Variants in ZNF365 observed in about 807,000 individuals in gnomAD.
The protein encoded by ZNF365 is protein ZNF365.
Under a neutral mutation model 35.0 loss-of-function variants are expected in ZNF365, and 22 were observed. That is an observed-to-expected ratio of 0.63 (90% CI 0.45 to 0.90). The LOEUF (loss-of-function observed/expected upper bound fraction) is 0.90. Ranked by LOEUF, ZNF365 falls within the 40% of genes least tolerant of loss-of-function variation. The pLI, the probability that ZNF365 is intolerant of heterozygous loss-of-function variation, is 0.00. For synonymous variants in ZNF365, 188 were observed against 196.2 expected (o/e 0.96, Z 0.35); for missense variants, 448 against 500.3 (o/e 0.90, Z 1.00).
chr10:62,442,433 T>G (rs1840515830), intron 3 of ZNF365, among the ~76,000 whole-genome samples: 1 of 152,192 alleles, frequency 6.6e-6, no homozygotes, highest in Admixed American at 6.6e-5. Flanking sequence ...ATTAACTGTA[T>G]GCAAAATCGC....
At position 62,376,836 on chromosome 10, in the gene ZNF365, G is replaced by C; in HGVS notation, c.643G>C (p.Glu215Gln). ...TQKKQEVQRR[E>Q]RALNRQVDVA... ...GAAAAAGCAGGAAGTTCAGAGACGA[G>C]AGCGGGCCTTAAACAGACAGGTGGA... The change falls in exon 2 of 5, where the codon GAG becomes CAG. Residue 215 changes from glutamate (E) to glutamine (Q), a missense_variant. Around this residue, in one of 3 missense-constraint regions of ZNF365, gnomAD observed 362 missense variants for 375.7 expected, o/e 0.96. Transcript: ENST00000395254. The C allele has an allele frequency of 6.2e-7, 1 of 1,614,198 alleles. No homozygotes were observed.
chr10:62,396,582 GAC>G (rs1193871746), intron 3 of ZNF365, among the ~76,000 whole-genome samples: 2 of 152,146 alleles, frequency 1.3e-5, no homozygotes, highest in Non-Finnish European at 2.9e-5. Context: ...CTCTTGGTAA[GAC>G]ACAGTAAAGT....
chr10:62,475,974 T>G (rs1841123864), intron 4 of ZNF365, among the ~76,000 whole-genome samples: 3 of 152,164 alleles, frequency 2.0e-5, no homozygotes, highest in Admixed American at 2.0e-4. Flanking sequence ...TTATTGAATC[T>G]CCTGCATATG....
At chr10:62,474,925 T>G (rs961891909) in intron 4 of ZNF365, among the ~76,000 whole-genome samples, 1 of 152,212 alleles carries the variant, frequency 6.6e-6, no homozygotes, top group African/African-American at 2.4e-5. Flanking sequence ...GACCAACTTT[T>G]CCTTTAACTG....
intron 2 of ZNF365, among the ~76,000 whole-genome samples, chr10:62,383,292 G>T (rs1839471412): frequency 6.6e-6 from 1 of 152,188 alleles, no homozygotes; most frequent in Admixed American, 6.5e-5. Flanking sequence ...TGGCACACTG[G>T]TTCATTGTGA....
intron 1 of ZNF365, 118 bp downstream of exon 1, chr10:62,374,576 G>A (rs3816882): frequency 0.54 from 82,859 of 152,058 alleles, 24,861 homozygotes; most frequent in East Asian, 0.78. Flanking sequence ...TGGGAGAGCC[G>A]GCTTCCCGGC....
At position 62,462,170 on chromosome 10, in the gene ZNF365, T is replaced by C. The variant is rs147034829; in HGVS notation, c.981+2373T>C. Among the ~76,000 whole-genome samples, 137 of 152,322 alleles carry C rather than the reference T, an allele frequency of 9.0e-4. 1 individual carries two copies. Among genetic ancestry groups the C allele is most frequent in the African/African-American group, 3.2e-3 (131 of 41,566 alleles). Reference sequence around the variant, plus strand: ...GATTCTCACCTGATAACCAATTAGATGTTTCAGCCACTACCTCCCCTCCCA... The same window carrying C: ...GATTCTCACCTGATAACCAATTAGACGTTTCAGCCACTACCTCCCCTCCCA... On this transcript the variant is annotated intron_variant, in intron 4 of 4. Transcript: ENST00000395255.
intron 4 of ZNF365, among the ~76,000 whole-genome samples, chr10:62,477,065 T>C (rs774250254): frequency 6.6e-6 from 1 of 152,208 alleles, no homozygotes; most frequent in Non-Finnish European, 1.5e-5. Context: ...ATACCACGCC[T>C]GGCATGGGGG....
intron 2 of ZNF365, 144 bp from the exon 3 acceptor site, chr10:62,388,252 A>T: frequency 1.3e-6 from 1 of 749,550 alleles, no homozygotes; most frequent in Non-Finnish European, 2.2e-6. Flanking sequence ...AATCACAAAG[A>T]GGTGATTACC....
intron 3 of ZNF365, among the ~76,000 whole-genome samples, chr10:62,408,439 A>G (rs1039044096): frequency 6.6e-6 from 1 of 152,204 alleles, no homozygotes; most frequent in Non-Finnish European, 1.5e-5. Flanking sequence ...AAAGAAAGAC[A>G]TCAGGCTCTG....
At chr10:62,470,628 T>C (rs559632445) in intron 4 of ZNF365, among the ~76,000 whole-genome samples, 24 of 152,340 alleles carry the variant, frequency 1.6e-4, no homozygotes, top group Admixed American at 3.3e-4. Context: ...TTGTTAGCAG[T>C]TTATACACAC....
At chr10:62,468,281 A>G (rs1193818570) in intron 4 of ZNF365, among the ~76,000 whole-genome samples, 1 of 152,200 alleles carries the variant, frequency 6.6e-6, no homozygotes, top group African/African-American at 2.4e-5. Context: ...ATAAATATAC[A>G]TGTGTGAGAA....
intron 2 of ZNF365, among the ~76,000 whole-genome samples, chr10:62,378,970 T>C (rs1488458970): frequency 6.6e-6 from 1 of 152,162 alleles, no homozygotes; most frequent in African/African-American, 2.4e-5. Context: ...TTATTATCCT[T>C]GTACATGTTT....
chr10:62,408,244 A>G (rs1839933256), intron 3 of ZNF365, among the ~76,000 whole-genome samples: 1 of 152,152 alleles, frequency 6.6e-6, no homozygotes, highest in South Asian at 2.1e-4. Context: ...CTTTCTAATC[A>G]AGAACTTGAA....
At chr10:62,452,926 C>T (rs550909856) in intron 3 of ZNF365, among the ~76,000 whole-genome samples, 5 of 152,196 alleles carry the variant, frequency 3.3e-5, no homozygotes, top group Non-Finnish European at 4.4e-5. Flanking sequence ...TAAATATATT[C>T]TTTGCTGTGG....
intron 3 of ZNF365, among the ~76,000 whole-genome samples, chr10:62,410,517 T>C (rs1839969593): frequency 6.6e-6 from 1 of 152,024 alleles, no homozygotes; most frequent in Non-Finnish European, 1.5e-5. Context: ...TTCCTGATGC[T>C]CTCCCTCCCT....
At chr10:62,407,941 C>A (rs538831707) in intron 3 of ZNF365, among the ~76,000 whole-genome samples, 1 of 151,856 alleles carries the variant, frequency 6.6e-6, no homozygotes, top group South Asian at 2.1e-4. Context: ...TGGAAGAATC[C>A]TTTAGATAAT....
intron 2 of ZNF365, 38 bp from the exon 3 acceptor site, chr10:62,388,358 A>G (rs751679041): frequency 3.1e-6 from 5 of 1,612,856 alleles, no homozygotes; most frequent in East Asian, 2.2e-5. Context: ...TCCTTGCCTT[A>G]TATTTCCCTT....
intron 2 of ZNF365, among the ~76,000 whole-genome samples, chr10:62,380,269 T>C (rs1378121158): frequency 6.6e-6 from 1 of 152,224 alleles, no homozygotes; most frequent in Non-Finnish European, 1.5e-5. Context: ...GTCTGTGCCA[T>C]CAATGAGACA....
Sources: gnomAD v4.1 joint callset for allele counts (sites outside exome capture counted in the v4.1 genomes callset) on GRCh38, gnomAD v4.1.1 for gene constraint, gnomAD v4.1.1 regional missense constraint, MANE v1.5 for transcripts, NCBI Gene and HGNC (gene_info 2026-07-23, HGNC 2026-07-21) for gene names.